The following NLK variants were observed in gnomAD, a reference collection of about 807,000 sequenced individuals.
NLK encodes nemo like kinase.
NLK carries 11 observed loss-of-function variants against 59.0 expected under a neutral mutation model. The ratio of observed to expected loss-of-function variants is 0.19; its 90% CI spans 0.12 to 0.31. The LOEUF is 0.31. Among genes scored for constraint, NLK ranks in the 10% least tolerant of loss-of-function variants. The pLI is 1.00. For missense variants in NLK, 410 were observed against 661.1 expected, an observed-to-expected ratio of 0.62 and a Z score of 4.16; for synonymous variants, 235 against 235.9, an observed-to-expected ratio of 1.00 and a Z score of 0.03.
chr17:28,156,508 G>A (rs1037508501), intron 3 of NLK, among the ~76,000 whole-genome samples: 1 of 152,112 alleles, frequency 6.6e-6, no homozygotes, highest in Non-Finnish European at 1.5e-5. Flanking sequence ...TATGTCTCTT[G>A]AGTCTCTTAT....
intron 2 of NLK, among the ~76,000 whole-genome samples, chr17:28,125,671 A>G (rs923979703): frequency 1.3e-5 from 2 of 152,212 alleles, no homozygotes; most frequent in African/African-American, 4.8e-5. Context: ...CAGGGCCAGC[A>G]TAACTACTAT....
At chr17:28,196,683 G>T (rs1909492234), downstream of NLK, among the ~76,000 whole-genome samples, 2 of 152,120 alleles carry the variant, frequency 1.3e-5, no homozygotes, top group South Asian at 4.1e-4. Context: ...ATATCTTGGA[G>T]TCCAATATAT....
intron 4 of NLK, 59 bp downstream of exon 4, chr17:28,161,325 C>G (rs1328287884): frequency 1.1e-5 from 10 of 903,782 alleles, no homozygotes; most frequent in Admixed American, 9.5e-5. Context: ...TGTTTTGCTT[C>G]TCATTTAGAC....
At chr17:28,106,301 T>A (rs998881851) in intron 1 of NLK, among the ~76,000 whole-genome samples, 3 of 152,236 alleles carry the variant, frequency 2.0e-5, no homozygotes, top group African/African-American at 7.2e-5. Context: ...TCAATTTATA[T>A]TACCATTTTA....
At chr17:28,203,432 G>A in the NLK span, among the ~76,000 whole-genome samples, 12 of 152,176 alleles carry the variant, frequency 7.9e-5, no homozygotes, top group Non-Finnish European at 1.3e-4. Context: ...GCTGGAGCAC[G>A]GGAGAATGAA....
intron 5 of NLK, among the ~76,000 whole-genome samples, chr17:28,167,828 G>A (rs1283889887): frequency 6.6e-6 from 1 of 151,318 alleles, no homozygotes; most frequent in Admixed American, 6.6e-5. Flanking sequence ...GTGAGACCCT[G>A]TCTAAAAAAA....
chr17:28,043,297 A>G lies in NLK; in HGVS notation c.424A>G (p.Arg142Gly). The G allele has an allele frequency of 6.3e-7, 1 of 1,590,510 alleles. No individual in the cohort carries two copies. Among genetic ancestry groups the G allele is most frequent in the Non-Finnish European group, 8.5e-7 (1 of 1,169,668 alleles). The part of the protein sequence containing the change: ...PQQQLDIEPD[R>G]PIGYGAFGVV... ...GCAGCAGCTGGATATTGAGCCGGAT[A>G]GACCTATTGGATATGGAGCCTTTGG... The change falls in exon 1 of 11, where the codon AGA (arginine) becomes GGA (glycine). Residue 142 changes from arginine (R) to glycine (G), a missense_variant. Physicochemically the swap from Arg to Gly is moderately radical, Grantham distance 125. Around this residue, in one of 5 missense-constraint regions of NLK, gnomAD observed 73 missense variants for 197.2 expected, o/e 0.37. Coordinates refer to ENST00000407008, the MANE Select transcript of NLK (RefSeq NM_016231.5).
intron 1 of NLK, among the ~76,000 whole-genome samples, chr17:28,056,304 A>G (rs1909441092): frequency 6.6e-6 from 1 of 152,230 alleles, no homozygotes; most frequent in Non-Finnish European, 1.5e-5. Flanking sequence ...AAGATACTTT[A>G]GAATGCGTCT....
intron 6 of NLK, among the ~76,000 whole-genome samples, chr17:28,170,741 T>C (rs1413763320): frequency 1.3e-5 from 2 of 152,154 alleles, no homozygotes; most frequent in African/African-American, 2.4e-5. Flanking sequence ...AAATCCTATA[T>C]ATGGAACAAG....
At chr17:28,068,770 T>A (rs894230853) in intron 1 of NLK, among the ~76,000 whole-genome samples, 2 of 152,216 alleles carry the variant, frequency 1.3e-5, no homozygotes, top group African/African-American at 2.4e-5. Context: ...ACCTCAAACT[T>A]GTGAGTTCAA....
chr17:28,171,486 T>C (rs1908461736), intron 6 of NLK: 1 of 152,228 alleles, frequency 6.6e-6, no homozygotes, highest in South Asian at 2.1e-4. Flanking sequence ...GTTTTATTGG[T>C]CTCTTTTATT....
intron 9 of NLK, among the ~76,000 whole-genome samples, chr17:28,191,515 T>C (rs1909306892): frequency 1.3e-5 from 2 of 152,228 alleles, no homozygotes; most frequent in African/African-American, 2.4e-5. Flanking sequence ...TTCAAACGTA[T>C]TGAACTTTAT....
At chr17:28,176,679 G>T (rs1164467521) in intron 7 of NLK, among the ~76,000 whole-genome samples, 3 of 152,160 alleles carry the variant, frequency 2.0e-5, no homozygotes, top group South Asian at 2.1e-4. Context: ...TTGTATATCT[G>T]CAGGTAATCT....
intron 1 of NLK, among the ~76,000 whole-genome samples, chr17:28,056,673 T>C (rs1027912259): frequency 2.0e-5 from 3 of 152,224 alleles, no homozygotes; most frequent in African/African-American, 7.2e-5. Flanking sequence ...ACTCAGTCTT[T>C]TCATGTTATA....
chr17:28,042,737 T>C lies in NLK; in HGVS notation c.-137T>C, dbSNP rs1403728709. 1 of 783,098 alleles carries C rather than the reference T, an allele frequency of 1.3e-6. No individual in the cohort carries two copies. The highest frequency in any genetic ancestry group is 1.9e-6 in the Non-Finnish European group (1 of 517,432). 48.5% of individuals were successfully genotyped at this position (783,098 alleles called of 1,614,324 possible). A position where few individuals can be genotyped will look rare whatever the true frequency, so the allele number is the denominator to read the frequency against. ...CCCAAAATTAAACACCAAGATCCTC[T>C]AACTTGTTTGGATTGACTGATGAAG... is the stretch of plus-strand genomic sequence containing the variant. On this transcript the variant is annotated 5_prime_UTR_variant, in exon 1 of 11. Coordinates refer to ENST00000407008, the MANE Select transcript of NLK (RefSeq NM_016231.5).
intron 2 of NLK, among the ~76,000 whole-genome samples, chr17:28,128,601 T>A (rs1440390507): frequency 6.6e-6 from 1 of 152,142 alleles, no homozygotes; most frequent in Non-Finnish European, 1.5e-5. Context: ...TAAAACGACA[T>A]TGAGTTAACA....
At chr17:28,198,119 G>A (rs545708177), downstream of NLK, among the ~76,000 whole-genome samples, 4 of 152,232 alleles carry the variant, frequency 2.6e-5, no homozygotes, top group African/African-American at 9.6e-5. Flanking sequence ...AAGACTCCAG[G>A]AGGTACATGG....
intron 1 of NLK, among the ~76,000 whole-genome samples, chr17:28,112,835 G>A (rs1026702877): frequency 3.3e-5 from 5 of 152,136 alleles, no homozygotes; most frequent in Non-Finnish European, 5.9e-5. Context: ...CCTGTGGAAT[G>A]CTTCCTAATA....
At chr17:28,178,105 G>A (rs1908756446) in intron 7 of NLK, among the ~76,000 whole-genome samples, 1 of 152,170 alleles carries the variant, frequency 6.6e-6, no homozygotes, top group South Asian at 2.1e-4. Context: ...TGCAAAACAG[G>A]CTAATAAAGT....
Sources: gnomAD v4.1 joint callset for allele counts (sites outside exome capture counted in the v4.1 genomes callset) on GRCh38, gnomAD v4.1.1 for gene constraint, gnomAD v4.1.1 regional missense constraint, MANE v1.5 for transcripts, NCBI Gene and HGNC (gene_info 2026-07-23, HGNC 2026-07-21) for gene names.